The following DAB1 variants were observed in gnomAD, a reference collection of about 807,000 sequenced individuals.
The protein encoded by DAB1 is DAB adaptor protein 1, also known as disabled homolog 1.
DAB1 carries 15 observed loss-of-function variants against 64.6 expected under a neutral mutation model. The observed-to-expected ratio is 0.23, with a 90% CI of 0.16 to 0.36. The LOEUF (loss-of-function observed/expected upper bound fraction) is 0.36. Ranked by LOEUF, DAB1 falls within the 10% of genes least tolerant of loss-of-function variation. The pLI, the probability that DAB1 is intolerant of heterozygous loss-of-function variation, is 1.00. For missense variants in DAB1, 596 were observed against 706.7 expected, an observed-to-expected ratio of 0.84 and a Z score of 1.78; for synonymous variants, 235 against 251.9, an observed-to-expected ratio of 0.93 and a Z score of 0.64.
chr1:57,561,835 C>G (rs1209440310), intron 7 of DAB1, among the ~76,000 whole-genome samples: 1 of 152,212 alleles, frequency 6.6e-6, no homozygotes, highest in Non-Finnish European at 1.5e-5. Context: ...CGATATGGCA[C>G]CATTCCTTGC....
chr1:58,542,277 T>C (rs1387581504), intron 1 of DAB1, among the ~76,000 whole-genome samples: 5 of 152,276 alleles, frequency 3.3e-5, no homozygotes, highest in Non-Finnish European at 4.4e-5. Flanking sequence ...AGCTGAAAAA[T>C]TGTTAAATAA....
chr1:57,049,450 C>CAAAAAAAAAAAA (rs574438911), intron 9 of DAB1, among the ~76,000 whole-genome samples: 286 of 24,582 alleles, frequency 0.012, 50 homozygotes, highest in East Asian at 0.02. Context: ...GACTCCGTCT[C>CAAAAAAAAAAAA]AAAAAAAAAA....
chr1:58,323,142 T>C (rs1469635633), intron 4 of DAB1, among the ~76,000 whole-genome samples: 1 of 151,824 alleles, frequency 6.6e-6, no homozygotes. Flanking sequence ...CTAACGTAAA[T>C]GACGACTTAA....
intron 2 of DAB1, among the ~76,000 whole-genome samples, chr1:57,150,923 A>C (rs1296020892): frequency 6.6e-6 from 1 of 152,178 alleles, no homozygotes; most frequent in Non-Finnish European, 1.5e-5. Context: ...TGAGAGGCCA[A>C]GGAGGGAGGA....
chr1:57,577,392 C>G (rs1418079639), intron 7 of DAB1, among the ~76,000 whole-genome samples: 1 of 144,974 alleles, frequency 6.9e-6, no homozygotes, highest in Non-Finnish European at 1.5e-5. Context: ...CCCTCGTGAT[C>G]TGGTGTGTGG....
intron 9 of DAB1, among the ~76,000 whole-genome samples, chr1:57,032,421 G>A (rs3768206): frequency 0.36 from 54,344 of 151,902 alleles, 10,145 homozygotes; most frequent in Middle Eastern, 0.46. Flanking sequence ...GAAAGAAGAG[G>A]CCATCTCAGG....
intron 6 of DAB1, among the ~76,000 whole-genome samples, chr1:57,676,724 A>C (rs980121422): frequency 6.6e-6 from 1 of 152,088 alleles, no homozygotes; most frequent in African/African-American, 2.4e-5. Flanking sequence ...TTCTGGTGAA[A>C]TTTTTGCTGA....
At chr1:57,080,194 A>G (rs1477168908) in intron 4 of DAB1, among the ~76,000 whole-genome samples, 1 of 151,996 alleles carries the variant, frequency 6.6e-6, no homozygotes, top group Non-Finnish European at 1.5e-5. Context: ...GTCTTCCCAA[A>G]CTCATGCTAC....
chr1:57,855,728 A>T (rs1653722522), intron 1 of DAB1, among the ~76,000 whole-genome samples: 1 of 152,198 alleles, frequency 6.6e-6, no homozygotes, highest in African/African-American at 2.4e-5. Context: ...AAGCCAGACC[A>T]TGATAGTCTT....
At chr1:57,655,581 T>G (rs1411586651) in intron 6 of DAB1, among the ~76,000 whole-genome samples, 1 of 152,190 alleles carries the variant, frequency 6.6e-6, no homozygotes, top group Non-Finnish European at 1.5e-5. Context: ...ATTCCTACCC[T>G]TACGGAACTT....
intron 1 of DAB1, among the ~76,000 whole-genome samples, chr1:57,339,970 G>C (rs1356299353): frequency 6.6e-6 from 1 of 152,192 alleles, no homozygotes; most frequent in Admixed American, 6.5e-5. Flanking sequence ...GAGACTAGCA[G>C]AATCTAGGAT....
At chr1:57,115,171 G>A (rs973304925) in intron 4 of DAB1, among the ~76,000 whole-genome samples, 4 of 152,176 alleles carry the variant, frequency 2.6e-5, no homozygotes, top group Admixed American at 1.3e-4. Context: ...TCTCCAGTGA[G>A]TGTAGCATTG....
intron 7 of DAB1, among the ~76,000 whole-genome samples, chr1:57,521,540 A>G (rs1644526625): frequency 1.3e-5 from 2 of 152,154 alleles, no homozygotes. Context: ...TACAAGAGTC[A>G]AATCTCTGTT....
chr1:57,242,057 T>G (rs759687029), intron 2 of DAB1, among the ~76,000 whole-genome samples: 25 of 152,144 alleles, frequency 1.6e-4, no homozygotes, highest in Admixed American at 3.9e-4. Flanking sequence ...AACCATATGG[T>G]TTTAGACTAG....
At chr1:57,473,320 G>A (rs1338682599) in intron 7 of DAB1, among the ~76,000 whole-genome samples, 1 of 152,170 alleles carries the variant, frequency 6.6e-6, no homozygotes, top group Non-Finnish European at 1.5e-5. Context: ...GTTGCCCTGG[G>A]TATTGATTGC....
chr1:58,157,093 G>A (rs543896285), intron 4 of DAB1, among the ~76,000 whole-genome samples: 6 of 152,188 alleles, frequency 3.9e-5, no homozygotes, highest in Non-Finnish European at 8.8e-5. Context: ...CACGTCACCT[G>A]CAGAAAATAG....
intron 3 of DAB1, among the ~76,000 whole-genome samples, chr1:58,489,610 G>A (rs1330294435): frequency 1.3e-5 from 2 of 152,188 alleles, no homozygotes; most frequent in African/African-American, 4.8e-5. Context: ...CTCCCAGCAT[G>A]CAGCTTGAGA....
intron 7 of DAB1, among the ~76,000 whole-genome samples, chr1:57,523,301 T>C (rs1644552211): frequency 6.6e-6 from 1 of 152,048 alleles, no homozygotes; most frequent in Non-Finnish European, 1.5e-5. Flanking sequence ...AAGATACAAA[T>C]ATTTGGAAGG....
chr1:57,740,473 A>G (rs1647931404), intron 6 of DAB1, among the ~76,000 whole-genome samples: 1 of 152,184 alleles, frequency 6.6e-6, no homozygotes, highest in South Asian at 2.1e-4. Context: ...AAATAAAATA[A>G]TACATGTAAA....
Sources: gnomAD v4.1 joint callset for allele counts (sites outside exome capture counted in the v4.1 genomes callset) on GRCh38, gnomAD v4.1.1 for gene constraint, MANE v1.5 for transcripts, NCBI Gene and HGNC (gene_info 2026-07-23, HGNC 2026-07-21) for gene names.